The following CORIN variants were observed in gnomAD, a reference collection of about 807,000 sequenced individuals.
The protein encoded by CORIN is atrial natriuretic peptide-converting enzyme.
A neutral mutation model predicts 125.3 loss-of-function variants in CORIN; 117 were observed. The ratio of observed to expected loss-of-function variants is 0.93; its 90% CI spans 0.80 to 1.09. The LOEUF (loss-of-function observed/expected upper bound fraction) is 1.09. Among genes scored for constraint, CORIN ranks in the 50% least tolerant of loss-of-function variants. CORIN has a pLI of 0.00. For missense variants in CORIN, 1,253 were observed against 1,306.7 expected (o/e 0.96, Z 0.63); for synonymous variants, 450 against 466.4 (o/e 0.96, Z 0.45).
chr4:47,722,193 T>C (rs938311430), intron 5 of CORIN, among the ~76,000 whole-genome samples: 3 of 152,232 alleles, frequency 2.0e-5, no homozygotes, highest in Non-Finnish European at 2.9e-5. Context: ...ACCAGGATAA[T>C]AGCCAGGTCT....
At chr4:47,626,015 A>G (rs1722543580) in intron 17 of CORIN, among the ~76,000 whole-genome samples, 1 of 152,174 alleles carries the variant, frequency 6.6e-6, no homozygotes, top group Non-Finnish European at 1.5e-5. Context: ...TTTTGTGTCT[A>G]TTCCTCTCTT....
At chr4:47,787,607 A>G (rs984452714) in intron 2 of CORIN, among the ~76,000 whole-genome samples, 2 of 152,256 alleles carry the variant, frequency 1.3e-5, no homozygotes, top group Non-Finnish European at 2.9e-5. Context: ...ATATGAAATA[A>G]GAAATACTCA....
At chr4:47,668,302 T>C (rs1329703773) in intron 10 of CORIN, among the ~76,000 whole-genome samples, 1 of 152,212 alleles carries the variant, frequency 6.6e-6, no homozygotes, top group Non-Finnish European at 1.5e-5. Flanking sequence ...ATCTCTCCAC[T>C]CCCCTTTCTG....
At chr4:47,699,162 T>C (rs1210547288) in intron 5 of CORIN, among the ~76,000 whole-genome samples, 1 of 152,232 alleles carries the variant, frequency 6.6e-6, no homozygotes, top group Non-Finnish European at 1.5e-5. Flanking sequence ...ATCTAGGAGC[T>C]TGGGAAATTT....
chr4:47,680,276 A>G, intron 7 of CORIN, 25 bp from the exon 8 acceptor site: 1 of 1,554,034 alleles, frequency 6.4e-7, no homozygotes, highest in Non-Finnish European at 8.9e-7. Context: ...ACTCACGAGG[A>G]TGCAGAGAAC....
At chr4:47,732,458 A>G (rs1241436682) in intron 5 of CORIN, among the ~76,000 whole-genome samples, 2 of 151,614 alleles carry the variant, frequency 1.3e-5, no homozygotes, top group African/African-American at 4.9e-5. Flanking sequence ...CAGCTCCCTC[A>G]CCCCTCTAGT....
chr4:47,599,476 TATA>T (rs1421059958), intron 21 of CORIN, among the ~76,000 whole-genome samples: 1 of 137,962 alleles, frequency 7.2e-6, no homozygotes. Flanking sequence ...AGCAGCATAG[TATA>T]ATAACTGTCT....
intron 5 of CORIN, among the ~76,000 whole-genome samples, chr4:47,729,715 T>G (rs1362237388): frequency 6.6e-6 from 1 of 152,204 alleles, no homozygotes; most frequent in African/African-American, 2.4e-5. Flanking sequence ...GCATTTCTGT[T>G]TTCACACCCA....
intron 3 of CORIN, among the ~76,000 whole-genome samples, chr4:47,766,139 G>A (rs1017811248): frequency 3.9e-5 from 6 of 152,120 alleles, no homozygotes; most frequent in Admixed American, 2.0e-4. Context: ...TGTAGTTTAC[G>A]AACCACTTCT....
chr4:47,602,833 T>C (rs1269944902), intron 20 of CORIN, among the ~76,000 whole-genome samples: 1 of 152,150 alleles, frequency 6.6e-6, no homozygotes, highest in Non-Finnish European at 1.5e-5. Context: ...GCTATATTTT[T>C]GTAAGAGAAA....
intron 16 of CORIN, among the ~76,000 whole-genome samples, chr4:47,639,669 T>C (rs1013327827): frequency 6.6e-6 from 1 of 152,208 alleles, no homozygotes; most frequent in Non-Finnish European, 1.5e-5. Flanking sequence ...CAAACCCTTC[T>C]AGCAAGGGCT....
chr4:47,819,753 T>G (rs1317704743), intron 1 of CORIN, among the ~76,000 whole-genome samples: 1 of 152,182 alleles, frequency 6.6e-6, no homozygotes, highest in Non-Finnish European at 1.5e-5. Flanking sequence ...ATAATTCCAT[T>G]AATTCCCACC....
Position 47,600,326 on chromosome 4 carries a change from C to G in CORIN, c.2834G>C (p.Gly945Ala). 2 of 1,612,296 alleles carry G rather than the reference C, an allele frequency of 1.2e-6. No homozygotes were observed. The highest frequency in any genetic ancestry group is 1.1e-5 in the South Asian group (1 of 90,654). Reference sequence around the variant, plus strand: ...TTCCAGAGAAATAATGCGGACCTCTCCCTCTTGCAGCTTAAATGGCACTGA... The same window carrying G: ...TTCCAGAGAAATAATGCGGACCTCTGCCTCTTGCAGCTTAAATGGCACTGA... ...GNKMPFKLQE[G>A]EVRIISLEHC... The change falls in exon 21 of 22, where the codon GGA (glycine) becomes GCA (alanine). Residue 945 changes from glycine to alanine, a missense_variant. Gly to Ala is a moderately conservative substitution (Grantham distance 60, BLOSUM62 0). Coordinates refer to ENST00000273857, the MANE Select transcript of CORIN (RefSeq NM_006587.4).
intron 1 of CORIN, among the ~76,000 whole-genome samples, chr4:47,823,880 T>C (rs968323617): frequency 1.3e-5 from 2 of 152,174 alleles, no homozygotes; most frequent in Admixed American, 6.5e-5. Context: ...ACTCAGACCC[T>C]GAACCCCATC....
intron 16 of CORIN, among the ~76,000 whole-genome samples, chr4:47,638,289 T>C (rs1368010743): frequency 1.3e-5 from 2 of 152,188 alleles, no homozygotes; most frequent in Non-Finnish European, 2.9e-5. Flanking sequence ...GACTGTGGAC[T>C]CTTGAGGTAA....
chr4:47,820,783 C>G (rs902390315), intron 1 of CORIN, among the ~76,000 whole-genome samples: 1 of 151,950 alleles, frequency 6.6e-6, no homozygotes, highest in Non-Finnish European at 1.5e-5. Flanking sequence ...TAGTCCCTGT[C>G]CTTATGGAAT....
At chr4:47,758,003 TC>T (rs1439606913) in intron 4 of CORIN, among the ~76,000 whole-genome samples, 2 of 151,186 alleles carry the variant, frequency 1.3e-5, no homozygotes, top group Non-Finnish European at 1.5e-5. Context: ...AAGCTCCACC[TC>T]CCGGATTCAT....
At chr4:47,782,004 G>A (rs541922741) in intron 3 of CORIN, among the ~76,000 whole-genome samples, 2 of 151,874 alleles carry the variant, frequency 1.3e-5, no homozygotes, top group African/African-American at 2.4e-5. Context: ...TTAATAAAAG[G>A]TTCAATATAA....
intron 1 of CORIN, among the ~76,000 whole-genome samples, chr4:47,825,422 A>G (rs1732701773): frequency 6.6e-6 from 1 of 152,180 alleles, no homozygotes. Context: ...CTCAACCCAG[A>G]CCTGTTAAAT....
Sources: gnomAD v4.1 joint callset for allele counts (sites outside exome capture counted in the v4.1 genomes callset) on GRCh38, gnomAD v4.1.1 for gene constraint, MANE v1.5 for transcripts, NCBI Gene and HGNC (gene_info 2026-07-23, HGNC 2026-07-21) for gene names.